The following NID2 variants were observed in gnomAD, a reference collection of about 807,000 sequenced individuals.
The protein encoded by NID2 is nidogen-2.
NID2 carries 83 observed loss-of-function variants against 145.4 expected under a neutral mutation model. The ratio of observed to expected loss-of-function variants is 0.57; its 90% CI spans 0.48 to 0.69. The LOEUF (loss-of-function observed/expected upper bound fraction) is 0.69, where lower values mean the gene tolerates loss of function less well. NID2 is among the 30% of genes least tolerant of loss of function. NID2 has a pLI of 0.00. For synonymous variants in NID2, 739 were observed against 701.3 expected, an observed-to-expected ratio of 1.05 and a Z score of -0.85; for missense variants, 1,807 against 1,765.7, an observed-to-expected ratio of 1.02 and a Z score of -0.42.
At chr14:52,059,006 G>T (rs1892942269) in intron 3 of NID2, among the ~76,000 whole-genome samples, 2 of 151,994 alleles carry the variant, frequency 1.3e-5, no homozygotes, top group Non-Finnish European at 2.9e-5. Context: ...CAAGGACTCA[G>T]CATAAGATAA....
In NID2 at chr14:52,064,914, G is replaced by A. The variant is rs76113819; in HGVS notation, c.534+2944C>T. Among the ~76,000 whole-genome samples, 53 of 152,090 alleles carry A rather than the reference G, an allele frequency of 3.5e-4. No individual in the cohort carries two copies. The East Asian group carries it at 9.1e-3, about 26-fold the overall frequency. The stretch of plus-strand genomic sequence containing the variant: ...CTGTCTCTAACCCCATCCCTAAAAT[G>A]ACAAAAACAAAACACTCCTCTTTCC... On this transcript the variant is annotated intron_variant, in intron 2 of 21. Coordinates refer to ENST00000216286, the MANE Select transcript of NID2 (RefSeq NM_007361.4).
chr14:52,043,032 TAAC>T lies in NID2; in HGVS notation c.1430-104_1430-102del, dbSNP rs1299520403. The T allele has an allele frequency of 7.1e-6, 8 of 1,133,510 alleles. No homozygotes were observed. The East Asian group carries it at 1.2e-4, about 17-fold the overall frequency. 70.2% of individuals were successfully genotyped at this position (1,133,510 alleles called of 1,614,324 possible). Reference sequence around the variant, plus strand: ...TGCTCCATAGAAGCAGTTTAGATCATAACAAACAGTTTTTGATGTTTAAGAGAC... The same window carrying T: ...TGCTCCATAGAAGCAGTTTAGATCATAAACAGTTTTTGATGTTTAAGAGAC... On this transcript the variant is annotated intron_variant, in intron 5 of 21. Coordinates refer to ENST00000216286, the MANE Select transcript of NID2 (RefSeq NM_007361.4).
chr14:52,011,773 G>GT, intron 16 of NID2, 90 bp from the exon 17 acceptor site: 8 of 1,446,820 alleles, frequency 5.5e-6, no homozygotes, highest in Non-Finnish European at 7.7e-6. Context: ...CAGCTGCAGT[G>GT]AGCAACACTG....
intron 9 of NID2, among the ~76,000 whole-genome samples, chr14:52,035,220 C>T (rs1402740051): frequency 6.6e-6 from 1 of 152,200 alleles, no homozygotes; most frequent in East Asian, 1.9e-4. Flanking sequence ...ATTACAATAT[C>T]ATACAGAATA....
At chr14:52,034,905 G>A (rs1892000470) in intron 9 of NID2, among the ~76,000 whole-genome samples, 1 of 152,158 alleles carries the variant, frequency 6.6e-6, no homozygotes, top group Non-Finnish European at 1.5e-5. Context: ...CCCATCTGTA[G>A]AGTTCCCTGA....
chr14:52,014,520 A>T, intron 15 of NID2, 64 bp from the exon 16 acceptor site: 3 of 1,512,968 alleles, frequency 2.0e-6, no homozygotes, highest in South Asian at 1.2e-5. Flanking sequence ...TGGGAAGAAA[A>T]GTTACTTTAC....
At chr14:52,030,972 A>G (rs1891843750) in intron 9 of NID2, among the ~76,000 whole-genome samples, 1 of 152,242 alleles carries the variant, frequency 6.6e-6, no homozygotes, top group African/African-American at 2.4e-5. Flanking sequence ...GGTGAGGAAA[A>G]TACTATCTCC....
intron 5 of NID2, among the ~76,000 whole-genome samples, chr14:52,049,317 G>A (rs928706255): frequency 5.9e-5 from 9 of 152,180 alleles, no homozygotes; most frequent in Middle Eastern, 3.4e-3. Context: ...CTAGGAGTTC[G>A]TAACAAAAAT....
At chr14:52,064,704 A>C (rs950004101) in intron 2 of NID2, among the ~76,000 whole-genome samples, 2 of 152,144 alleles carry the variant, frequency 1.3e-5, no homozygotes, top group African/African-American at 4.8e-5. Flanking sequence ...TGACTCCTTC[A>C]TCCATTTCTC....
At chr14:52,047,617 G>A (rs1388061062) in intron 5 of NID2, among the ~76,000 whole-genome samples, 1 of 152,152 alleles carries the variant, frequency 6.6e-6, no homozygotes, top group African/African-American at 2.4e-5. Context: ...GATAAGAAGG[G>A]CCCAGGTCTG....
rs1410803421 is a variant in NID2 at position 52,061,649 on chromosome 14, C to A, written c.535-1293G>T. On this transcript the variant is annotated intron_variant, in intron 2 of 21. Coordinates refer to ENST00000216286, the MANE Select transcript of NID2 (RefSeq NM_007361.4). ...AAACACTGCAGGAGCCAACACAGAC[C>A]AGAGAGGGACCAGGAGCCTGAATCA... 1.3e-5 allele frequency among the ~76,000 whole-genome samples: 2 copies of A among 152,108 alleles called. 1 individual carries two copies. The highest frequency in any genetic ancestry group is 1.3e-4 in the Admixed American group (2 of 15,274).
intron 9 of NID2, among the ~76,000 whole-genome samples, chr14:52,033,825 G>A (rs1891963248): frequency 6.6e-6 from 1 of 152,152 alleles, no homozygotes; most frequent in Admixed American, 6.5e-5. Context: ...TTCAAAGTTT[G>A]GTCTAAATTA....
chr14:52,064,751 T>C (rs1893131339), intron 2 of NID2, among the ~76,000 whole-genome samples: 1 of 152,222 alleles, frequency 6.6e-6, no homozygotes, highest in Admixed American at 6.5e-5. Context: ...CTCAACCTTC[T>C]CCTGGGTCAT....
chr14:52,005,184 TGA>T lies in NID2; in HGVS notation c.*300_*301del, dbSNP rs1890713137. 1.1e-5 allele frequency: 3 copies of T among 265,676 alleles called. No homozygotes were observed. The highest frequency in any genetic ancestry group is 2.1e-5 in the Non-Finnish European group (3 of 141,622). The allele number at this position is 265,676 out of a possible 1,614,324, so 16.5% of individuals were successfully genotyped here. ...TCTTAAACTCTAATTCTTAGTTGAA[TGA>T]ATTTGATCTTTTAAATATTAATGAT... On this transcript the variant is annotated 3_prime_UTR_variant, in exon 22 of 22. Transcript: ENST00000216286.
intron 12 of NID2, among the ~76,000 whole-genome samples, chr14:52,022,179 C>T (rs1210870115): frequency 6.7e-6 from 1 of 150,368 alleles, no homozygotes; most frequent in Admixed American, 6.6e-5. Context: ...GTGCTTAGAA[C>T]CTTCAGCCTA....
chr14:52,005,316 G>T lies in NID2; in HGVS notation c.*170C>A. ...TTTTAAAAATACAGTAGTAAAGATTGAGGTATCAGCTTTTCACAAAAGTCT... is the reference window on the plus strand; with the variant it reads ...TTTTAAAAATACAGTAGTAAAGATTTAGGTATCAGCTTTTCACAAAAGTCT... On this transcript the variant is annotated 3_prime_UTR_variant, in exon 22 of 22. Transcript: ENST00000216286. 2.1e-6 allele frequency: 1 copy of T among 470,574 alleles called. No homozygotes were observed. The allele number at this position is 470,574 out of a possible 1,614,324, so 29.1% of individuals were successfully genotyped here.
rs761934204 is a variant in NID2, at chr14:52,042,924, C to T, written c.1437G>A (p.Thr479=). 7.4e-6 allele frequency: 12 copies of T among 1,613,850 alleles called. No homozygotes were observed. The highest frequency in any genetic ancestry group is 6.7e-5 in the East Asian group (3 of 44,892). ...AGGTTTCCTTGTTGGCAGCATTATA[C>T]GTGAAGACTGAAAAATAAAACAAAC... ...DNIGSNTEVF[T]YNAANKETCE... Residue 479 remains threonine, a synonymous_variant, in exon 6 of 22, where the codon ACG becomes ACA. Transcript: ENST00000216286.
chr14:52,040,094 C>T (rs960002822), intron 8 of NID2, among the ~76,000 whole-genome samples: 2 of 152,172 alleles, frequency 1.3e-5, no homozygotes, highest in Non-Finnish European at 2.9e-5. Context: ...GAGCGTGCCA[C>T]CACACCCTGC....
intron 5 of NID2, among the ~76,000 whole-genome samples, chr14:52,047,872 A>C (rs1225142088): frequency 6.6e-6 from 1 of 152,106 alleles, no homozygotes; most frequent in Non-Finnish European, 1.5e-5. Flanking sequence ...GGAGAGCTGC[A>C]TTTCTCCCGG....
Sources: allele counts gnomAD v4.1 joint callset (sites outside exome capture counted in the v4.1 genomes callset), GRCh38; gene constraint gnomAD v4.1.1; transcripts MANE v1.5; gene names NCBI Gene and HGNC (gene_info 2026-07-23, HGNC 2026-07-21).